The following ZNF287 variants were observed in gnomAD, a reference collection of about 807,000 sequenced individuals.
ZNF287 encodes zinc finger protein with KRAB and SCAN domains 13.
A neutral mutation model predicts 73.7 loss-of-function variants in ZNF287; 31 were observed. The observed-to-expected ratio is 0.42, with a 90% CI of 0.32 to 0.57. The LOEUF (loss-of-function observed/expected upper bound fraction) is 0.57. Among genes scored for constraint, ZNF287 ranks in the 20% least tolerant of loss-of-function variants. ZNF287 has a pLI of 0.13. For missense variants in ZNF287, 641 were observed against 909.3 expected, an observed-to-expected ratio of 0.70 and a Z score of 3.79; for synonymous variants, 301 against 307.2, an observed-to-expected ratio of 0.98 and a Z score of 0.21.
rs949039365 is a variant in ZNF287 at position 16,547,963 on chromosome 17, A to G, written c.*3893T>C. Among the ~76,000 whole-genome samples, 3 of 152,208 alleles carry G rather than the reference A, an allele frequency of 2.0e-5. No individual in the cohort carries two copies. Among genetic ancestry groups the G allele is most frequent in the African/African-American group, 7.2e-5 (3 of 41,450 alleles). On this transcript the variant is annotated 3_prime_UTR_variant, in exon 6 of 6. Coordinates refer to ENST00000395825, the MANE Select transcript of ZNF287 (RefSeq NM_020653.4). The stretch of plus-strand genomic sequence containing the variant: ...GAAAGCATCAAACTCTTTACTGGTA[A>G]TTAAACTCCTACACTGGTAATTAAG...
At position 16,550,611 on chromosome 17, in the gene ZNF287, A is replaced by G. The variant is rs948819450; in HGVS notation, c.*1245T>C. Among the ~76,000 whole-genome samples, 11 of 152,202 alleles carry G rather than the reference A, an allele frequency of 7.2e-5. No individual in the cohort carries two copies. Among genetic ancestry groups the G allele is most frequent in the African/African-American group, 2.7e-4 (11 of 41,462 alleles). On this transcript the variant is annotated 3_prime_UTR_variant, in exon 6 of 6. Coordinates refer to ENST00000395825, the MANE Select transcript of ZNF287 (RefSeq NM_020653.4). ...TTGCTTATGCTCAACCCATGACAAAATATCACATCCTCACTTTCTCATCAC... is the reference window on the plus strand; with the variant it reads ...TTGCTTATGCTCAACCCATGACAAAGTATCACATCCTCACTTTCTCATCAC...
intron 5 of ZNF287, among the ~76,000 whole-genome samples, chr17:16,555,554 G>T (rs923040236): frequency 2.6e-5 from 4 of 151,536 alleles, no homozygotes; most frequent in Non-Finnish European, 4.4e-5. Flanking sequence ...TTAAAAAGGA[G>T]AACTCAGATG....
chr17:16,560,308 G>T (rs1907342686), intron 5 of ZNF287, among the ~76,000 whole-genome samples: 1 of 137,314 alleles, frequency 7.3e-6, no homozygotes. Context: ...GTCAACAGTG[G>T]TGTATATATA....
At chr17:16,563,352 C>A in intron 4 of ZNF287, 120 bp from the exon 5 acceptor site, 1 of 680,786 alleles carries the variant, frequency 1.5e-6, no homozygotes, top group Non-Finnish European at 2.5e-6. Context: ...AGTTCATGGA[C>A]ATGATCTAAT....
At position 16,547,459 on chromosome 17, in the gene ZNF287, G is replaced by T. The variant is rs1440847197; in HGVS notation, c.*4397C>A. Among the ~76,000 whole-genome samples, 2 of 152,194 alleles carry T rather than the reference G, an allele frequency of 1.3e-5. No individual in the cohort carries two copies. Among genetic ancestry groups the T allele is most frequent in the Non-Finnish European group, 2.9e-5 (2 of 68,032 alleles). Reference sequence around the variant, plus strand: ...GCTTTCTAGCATACATAACATGGAAGTGTTCTCTCCAATTTAGGTGCATGC... The same window carrying T: ...GCTTTCTAGCATACATAACATGGAATTGTTCTCTCCAATTTAGGTGCATGC... On this transcript the variant is annotated 3_prime_UTR_variant, in exon 6 of 6. Transcript: ENST00000395825.
intron 1 of ZNF287, 114 bp from the exon 2 acceptor site, chr17:16,568,043 C>T: frequency 1.0e-6 from 1 of 996,102 alleles, no homozygotes; most frequent in Non-Finnish European, 1.2e-6. Flanking sequence ...TAAGCTTTAC[C>T]TTGTCTTCCT....
At position 16,563,174 on chromosome 17, in the gene ZNF287, T is replaced by C. The variant is rs1462803521; in HGVS notation, c.687A>G (p.Ile229Met). 1.2e-6 allele frequency: 2 copies of C among 1,613,720 alleles called. No homozygotes were observed. Among genetic ancestry groups the C allele is most frequent in the Non-Finnish European group, 1.7e-6 (2 of 1,179,808 alleles). The change falls in exon 5 of 6, where the codon ATA becomes ATG. Residue 229 changes from isoleucine to methionine, a missense_variant. Around this residue, in one of 2 missense-constraint regions of ZNF287, gnomAD observed 357 missense variants for 442.4 expected, o/e 0.81. Transcript: ENST00000395825. ...IPILEEPWMVIKEILEGPSPE... is the reference protein window; with the variant it reads ...IPILEEPWMVMKEILEGPSPE... ...GACTAGGGCCTTCTAAAATTTCTTT[T>C]ATCACCATCCATGGTTCTTCCAATA...
In ZNF287 at chr17:16,552,071, G is replaced by C. The variant is rs370551286; in HGVS notation, c.2071C>G (p.Leu691Val). 9.3e-6 allele frequency: 15 copies of C among 1,613,954 alleles called. No individual in the cohort carries two copies. The highest frequency in any genetic ancestry group is 1.3e-5 in the African/African-American group (1 of 74,918). Reference protein sequence around the residue: ...CGKAFIYSSSLNQHQRTHTGE... With the variant: ...CGKAFIYSSSVNQHQRTHTGE... Reference sequence around the variant, plus strand: ...GTATGAGTTCTCTGATGTTGATTAAGTGATGAGGAATAAATGAAAGCTTTC... The same window carrying C: ...GTATGAGTTCTCTGATGTTGATTAACTGATGAGGAATAAATGAAAGCTTTC... The change falls in exon 6 of 6, where the codon CTT becomes GTT. Residue 691 changes from leucine to valine, a missense_variant. By Grantham distance (32) the Leu-to-Val change is conservative (BLOSUM62 1). Around this residue, in one of 2 missense-constraint regions of ZNF287, gnomAD observed 284 missense variants for 466.8 expected, o/e 0.61. Transcript: ENST00000395825. The surrounding 1 kb of genome is among the most constrained non-coding windows in gnomAD (Gnocchi z 6.5).
At position 16,563,188 on chromosome 17, in the gene ZNF287, G is replaced by T; in HGVS notation, c.673C>A (p.Pro225Thr). The T allele has an allele frequency of 6.2e-7, 1 of 1,613,724 alleles. No homozygotes were observed. Among genetic ancestry groups the T allele is most frequent in the Non-Finnish European group, 8.5e-7 (1 of 1,179,840 alleles). ...AAAATTTCTTTTATCACCATCCATG[G>T]TTCTTCCAATATGGGAATCACAGTT... ...RPTVIPILEE[P>T]WMVIKEILEG... The change falls in exon 5 of 6, where the codon CCA (proline) becomes ACA (threonine). Residue 225 changes from proline (P) to threonine (T), a missense_variant. Pro to Thr is a conservative substitution (Grantham distance 38, BLOSUM62 -1). Coordinates refer to ENST00000395825, the MANE Select transcript of ZNF287 (RefSeq NM_020653.4).
Position 16,555,725 on chromosome 17 carries a change from T to C in ZNF287, c.716-2299A>G, listed in dbSNP as rs368440861. On this transcript the variant is annotated intron_variant, in intron 5 of 5. Coordinates refer to ENST00000395825, the MANE Select transcript of ZNF287 (RefSeq NM_020653.4). ...AATATGTATTTGTTGGTGCCTATTATTACGTTTCTCGTATAATTACTTAAC... is the reference window on the plus strand; with the variant it reads ...AATATGTATTTGTTGGTGCCTATTACTACGTTTCTCGTATAATTACTTAAC... Among the ~76,000 whole-genome samples, 6 of 152,284 alleles carry C rather than the reference T, an allele frequency of 3.9e-5. No homozygotes were observed. In the East Asian group the frequency reaches 5.8e-4, roughly 15 times the overall value.
chr17:16,563,839 T>C lies in ZNF287; in HGVS notation c.502-14A>G, dbSNP rs745343921. ...TGTCATCGATTCCTAAAATATCAAA[T>C]GTAACTTAACTCAGTTCAAGAACTA... On this transcript the variant is annotated splice_polypyrimidine_tract_variant and intron_variant, in intron 3 of 5. Coordinates refer to ENST00000395825, the MANE Select transcript of ZNF287 (RefSeq NM_020653.4). The C allele has an allele frequency of 6.2e-7, 1 of 1,611,794 alleles. No homozygotes were observed. The highest frequency in any genetic ancestry group is 8.5e-7 in the Non-Finnish European group (1 of 1,178,528).
rs761468164 is a variant in ZNF287, at chr17:16,553,445, T to TA, written c.716-20dup. ...TCCCATTCTGAAATAAAAAATATAT[T>TA]AAAAAATCTTCATTTATTTGGAGAA... On this transcript the variant is annotated intron_variant, in intron 5 of 5. Coordinates refer to ENST00000395825, the MANE Select transcript of ZNF287 (RefSeq NM_020653.4). 3.5e-6 allele frequency: 5 copies of TA among 1,445,536 alleles called. No individual in the cohort carries two copies. Among genetic ancestry groups the TA allele is most frequent in the Non-Finnish European group, 4.6e-6 (5 of 1,095,286 alleles). 89.5% of individuals were successfully genotyped at this position (1,445,536 alleles called of 1,614,324 possible).
At chr17:16,560,174 C>T (rs1907333784) in intron 5 of ZNF287, among the ~76,000 whole-genome samples, 1 of 151,710 alleles carries the variant, frequency 6.6e-6, no homozygotes, top group Non-Finnish European at 1.5e-5. Context: ...GTTGGACAGG[C>T]TGGTCTCAAA....
In ZNF287 at chr17:16,566,597, T is replaced by C; in HGVS notation, c.429A>G (p.Gln143=). 6.2e-7 allele frequency: 1 copy of C among 1,612,896 alleles called. No individual in the cohort carries two copies. The highest frequency in any genetic ancestry group is 8.5e-7 in the Non-Finnish European group (1 of 1,179,550). ...CTCTGGGGTCTTCCTCTGGGGTATC[T>C]TGGGAAAGGGTAGAGTTTTGAGGAG... ...EEAPQNSTLS[Q]DTPEEDPRGK... The change falls in exon 3 of 6, where the codon CAA becomes CAG. Residue 143 remains glutamine, a synonymous_variant. Transcript: ENST00000395825.
chr17:16,552,828 G>A lies in ZNF287; in HGVS notation c.1314C>T (p.His438=). The change falls in exon 6 of 6, where the codon CAC becomes CAT. Residue 438 remains histidine, a synonymous_variant. Coordinates refer to ENST00000395825, the MANE Select transcript of ZNF287 (RefSeq NM_020653.4). This position sits in a 1 kb window ranked among gnomAD's most constrained non-coding sequence, Gnocchi z 6.5. ...TATGAATTCTCTGATGTATAGTAAG[G>A]TGTGCACGCTGGCTGAAGGCTTTAC... ...QCGKAFSQRA[H]LTIHQRIHTG... The A allele has an allele frequency of 6.2e-7, 1 of 1,613,946 alleles. No homozygotes were observed. Among genetic ancestry groups the A allele is most frequent in the South Asian group, 1.1e-5 (1 of 91,068 alleles).
chr17:16,565,980 C>CT (rs1244446163), intron 3 of ZNF287, among the ~76,000 whole-genome samples: 1 of 152,130 alleles, frequency 6.6e-6, no homozygotes, highest in Admixed American at 6.5e-5. Context: ...GAGTGCGACT[C>CT]TGTCTCAAAA....
In ZNF287 at chr17:16,567,882, T is replaced by A; in HGVS notation, c.-151A>T. On this transcript the variant is annotated 5_prime_UTR_variant, in exon 2 of 6. The change creates a new upstream start codon in the 5' untranslated region. Transcript: ENST00000395825. ...CAGAATCAAGGTAGAGTTAGCAGCC[T>A]TAGTGACAAATTCTGAGCCCAGAAC... 1.4e-6 allele frequency: 2 copies of A among 1,436,000 alleles called. No homozygotes were observed. The highest frequency in any genetic ancestry group is 1.8e-6 in the Non-Finnish European group (2 of 1,099,778). 89.0% of individuals were successfully genotyped at this position (1,436,000 alleles called of 1,614,324 possible).
At chr17:16,564,453 C>T (rs1409000312) in intron 3 of ZNF287, among the ~76,000 whole-genome samples, 1 of 152,086 alleles carries the variant, frequency 6.6e-6, no homozygotes, top group Non-Finnish European at 1.5e-5. Context: ...TCCTTCACCT[C>T]AGCTCCCCAA....
rs1569008905 is a variant in ZNF287 at position 16,548,654 on chromosome 17, G to A, written c.*3202C>T. Among the ~76,000 whole-genome samples, 1 of 152,082 alleles carries A rather than the reference G, an allele frequency of 6.6e-6. No homozygotes were observed. Among genetic ancestry groups the A allele is most frequent in the African/African-American group, 2.4e-5 (1 of 41,426 alleles). ...CTACTAAAAAAATACAAAGAAATTA[G>A]CCGGGCGTGGTGGCGGGTGTCTGTA... On this transcript the variant is annotated 3_prime_UTR_variant, in exon 6 of 6. Transcript: ENST00000395825.
Sources: gnomAD v4.1 joint callset for allele counts (sites outside exome capture counted in the v4.1 genomes callset) on GRCh38, gnomAD v4.1.1 for gene constraint, gnomAD v4.1.1 regional missense constraint, Gnocchi (gnomAD v3.1) non-coding constraint, MANE v1.5 for transcripts, NCBI Gene and HGNC (gene_info 2026-07-23, HGNC 2026-07-21) for gene names.